Variants in POC1A observed in about 807,000 individuals in gnomAD.
The protein encoded by POC1A is POC1 centriolar protein A, also known as POC1 centriolar protein homolog A.
In POC1A, 34 loss-of-function variants were observed where a neutral mutation model predicts 47.8. The observed-to-expected ratio is 0.71, with a 90% confidence interval of 0.54 to 0.95. The LOEUF is 0.95. Ranked by LOEUF, POC1A falls within the 40% of genes least tolerant of loss-of-function variation. The pLI is 0.00. For synonymous variants in POC1A, 177 were observed against 207.6 expected, an observed-to-expected ratio of 0.85 and a Z score of 1.27; for missense variants, 466 against 528.3, an observed-to-expected ratio of 0.88 and a Z score of 1.16.
chr3:52,147,209 C>T, intron 4 of POC1A, 114 bp from the exon 5 acceptor site: 2 of 746,746 alleles, frequency 2.7e-6, no homozygotes, highest in Non-Finnish European at 4.6e-6. Flanking sequence ...GCAGGAACCA[C>T]CCGGGGTCAC....
chr3:52,149,508 C>A, intron 3 of POC1A, 119 bp from the exon 4 acceptor site: 1 of 877,130 alleles, frequency 1.1e-6, no homozygotes, highest in Non-Finnish European at 1.8e-6. Flanking sequence ...AGCCCGAGTA[C>A]CCCAGTCTCC....
At position 52,147,029 on chromosome 3, in the gene POC1A, C is replaced by G. The variant is rs574070672; in HGVS notation, c.522G>C (p.Lys174Asn). The G allele has an allele frequency of 1.9e-6, 3 of 1,614,188 alleles. No homozygotes were observed. Among genetic ancestry groups the G allele is most frequent in the African/African-American group, 1.3e-5 (1 of 75,054 alleles). The change falls in exon 5 of 11, where the codon AAG (lysine) becomes AAC (asparagine). Residue 174 changes from lysine to asparagine, a missense_variant. By Grantham distance (94) the Lys-to-Asn change is moderately conservative. Coordinates refer to ENST00000296484, the MANE Select transcript of POC1A (RefSeq NM_015426.5). Reference sequence around the variant, plus strand: ...ACGAGTGGACACATTCCCGGCTGCTCTTGTCCCACAGCTTAACAGTCTTGT... The same window carrying G: ...ACGAGTGGACACATTCCCGGCTGCTGTTGTCCCACAGCTTAACAGTCTTGT... ...SDDKTVKLWD[K>N]SSRECVHSYC...
chr3:52,152,340 C>T (rs1310766301), intron 1 of POC1A, among the ~76,000 whole-genome samples: 1 of 151,990 alleles, frequency 6.6e-6, no homozygotes, highest in African/African-American at 2.4e-5. Context: ...GAGGCCAAGG[C>T]GGGCAGATTA....
chr3:52,139,512 C>T (rs958716181), intron 6 of POC1A, among the ~76,000 whole-genome samples: 2 of 152,196 alleles, frequency 1.3e-5, no homozygotes, highest in Non-Finnish European at 2.9e-5. Flanking sequence ...CTTCCCTTTC[C>T]CTGACCTTAA....
intron 9 of POC1A, among the ~76,000 whole-genome samples, chr3:52,116,402 G>A (rs191829876): frequency 4.4e-4 from 67 of 152,324 alleles, no homozygotes; most frequent in African/African-American, 1.6e-3. Context: ...AACTGACCCA[G>A]CTCCCTCTTC....
intron 7 of POC1A, among the ~76,000 whole-genome samples, chr3:52,133,174 C>T (rs1008014376): frequency 6.6e-6 from 1 of 152,144 alleles, no homozygotes; most frequent in Admixed American, 6.5e-5. Context: ...TATGAAAGGG[C>T]TTGACAAAGG....
At chr3:52,126,913 G>A (rs1291249154) in intron 7 of POC1A, among the ~76,000 whole-genome samples, 1 of 152,260 alleles carries the variant, frequency 6.6e-6, no homozygotes, top group East Asian at 1.9e-4. Context: ...CCACACTGGG[G>A]ATCAAGTTTC....
intron 6 of POC1A, 81 bp downstream of exon 6, chr3:52,145,765 A>T (rs1253215325): frequency 8.0e-6 from 7 of 878,254 alleles, no homozygotes; most frequent in Non-Finnish European, 9.3e-6. Flanking sequence ...CCATTTAAGC[A>T]CTACAGCACA....
At chr3:52,148,445 C>A (rs1698440594) in intron 4 of POC1A, among the ~76,000 whole-genome samples, 1 of 152,240 alleles carries the variant, frequency 6.6e-6, no homozygotes, top group African/African-American at 2.4e-5. Context: ...CCTGGCACCC[C>A]AACCCCTTCC....
intron 7 of POC1A, among the ~76,000 whole-genome samples, chr3:52,132,202 C>T (rs1704239015): frequency 6.6e-6 from 1 of 152,110 alleles, no homozygotes; most frequent in African/African-American, 2.4e-5. Context: ...AAGGTCTTGC[C>T]CAATGTCACA....
intron 9 of POC1A, among the ~76,000 whole-genome samples, chr3:52,103,976 A>G (rs1162297846): frequency 6.6e-6 from 1 of 152,226 alleles, no homozygotes; most frequent in African/African-American, 2.4e-5. Flanking sequence ...TGTCCCAGCC[A>G]TTCCACTCCT....
intron 2 of POC1A, among the ~76,000 whole-genome samples, chr3:52,150,645 T>A (rs1698526547): frequency 6.6e-6 from 1 of 152,030 alleles, no homozygotes; most frequent in African/African-American, 2.4e-5. Flanking sequence ...CAACAAGGTG[T>A]GCCTTATTAC....
At chr3:52,078,745 C>T (rs549452695) in intron 10 of POC1A, among the ~76,000 whole-genome samples, 1 of 152,246 alleles carries the variant, frequency 6.6e-6, no homozygotes, top group African/African-American at 2.4e-5. Flanking sequence ...GTGATCCGCC[C>T]GGCTCAGCCT....
At chr3:52,153,607 C>T (rs953594640) in intron 1 of POC1A, among the ~76,000 whole-genome samples, 5 of 152,224 alleles carry the variant, frequency 3.3e-5, no homozygotes, top group African/African-American at 1.2e-4. Flanking sequence ...AGTTCAGGTC[C>T]ACCCCTGACC....
chr3:52,114,473 T>C lies in POC1A; in HGVS notation c.981+7906A>G, dbSNP rs567074036. Among the ~76,000 whole-genome samples, 5 of 152,306 alleles carry C rather than the reference T, an allele frequency of 3.3e-5. No individual in the cohort carries two copies. The South Asian group carries it at 8.3e-4, about 25-fold the overall frequency. ...ACTGACAGGGGTCCACACATGAGCATGCATGTGCACACACACAGGGGAAGG... is the reference window on the plus strand; with the variant it reads ...ACTGACAGGGGTCCACACATGAGCACGCATGTGCACACACACAGGGGAAGG... On this transcript the variant is annotated intron_variant, in intron 9 of 10. Coordinates refer to ENST00000296484, the MANE Select transcript of POC1A (RefSeq NM_015426.5).
chr3:52,119,562 T>C (rs145884563), intron 9 of POC1A, among the ~76,000 whole-genome samples: 1 of 152,114 alleles, frequency 6.6e-6, no homozygotes, highest in Non-Finnish European at 1.5e-5. Flanking sequence ...GCTCAACTAA[T>C]TTTTAAATTT....
At chr3:52,133,435 C>T (rs1289598762) in intron 7 of POC1A, among the ~76,000 whole-genome samples, 1 of 152,176 alleles carries the variant, frequency 6.6e-6, no homozygotes, top group East Asian at 1.9e-4. Context: ...ACAAAATGAG[C>T]CTGCGCAAAC....
intron 2 of POC1A, among the ~76,000 whole-genome samples, 188 bp from the exon 3 acceptor site, chr3:52,150,175 G>A (rs945319598): frequency 2.6e-5 from 4 of 152,214 alleles, no homozygotes; most frequent in African/African-American, 9.7e-5. Flanking sequence ...AGAGCCTGTG[G>A]CCCAGAGTTC....
chr3:52,149,123 A>C (rs1698466925), intron 4 of POC1A, 87 bp downstream of exon 4: 1 of 1,114,568 alleles, frequency 9.0e-7, no homozygotes, highest in Non-Finnish European at 1.4e-6. Context: ...AACTTGCCCG[A>C]GGTCATAAGT....
Sources: allele counts gnomAD v4.1 joint callset (sites outside exome capture counted in the v4.1 genomes callset), GRCh38; gene constraint gnomAD v4.1.1; transcripts MANE v1.5; gene names NCBI Gene and HGNC (gene_info 2026-07-23, HGNC 2026-07-21).